The following PEBP4 variants were observed in gnomAD, a reference collection of about 807,000 sequenced individuals.
The protein encoded by PEBP4 is phosphatidylethanolamine binding protein 4, also known as phosphatidylethanolamine-binding protein 4.
PEBP4 carries 22 observed loss-of-function variants against 23.9 expected under a neutral mutation model. The ratio of observed to expected loss-of-function variants is 0.92; its 90% CI spans 0.66 to 1.31. The LOEUF (loss-of-function observed/expected upper bound fraction) is 1.31. Ranked by LOEUF, PEBP4 falls within the 40% of genes most tolerant of loss-of-function variation. The pLI is 0.00. For missense variants in PEBP4, 324 were observed against 281.7 expected (o/e 1.15, Z -1.07); for synonymous variants, 112 against 99.3 (o/e 1.13, Z -0.76).
intron 3 of PEBP4, among the ~76,000 whole-genome samples, chr8:22,910,620 C>A (rs895486310): frequency 3.3e-5 from 5 of 152,242 alleles, no homozygotes; most frequent in African/African-American, 1.2e-4. Flanking sequence ...CAACGATGGA[C>A]AGGGTTACAG....
chr8:22,722,813 C>T (rs987374797), intron 6 of PEBP4, among the ~76,000 whole-genome samples: 3 of 151,582 alleles, frequency 2.0e-5, no homozygotes, highest in African/African-American at 7.3e-5. Flanking sequence ...TCTCTCTGTC[C>T]CCAGGCTGGA....
At chr8:22,744,576 T>G (rs1260371826) in intron 4 of PEBP4, 2 of 152,286 alleles carry the variant, frequency 1.3e-5, no homozygotes, top group Non-Finnish European at 2.9e-5. Context: ...CCCCTTTTCA[T>G]GTCCTCTCTT....
chr8:22,930,065 C>T (rs909136270), upstream of PEBP4, among the ~76,000 whole-genome samples: 1 of 152,216 alleles, frequency 6.6e-6, no homozygotes, highest in East Asian at 1.9e-4. Context: ...TTGCCTCTCA[C>T]TCACTCCCTC....
intron 4 of PEBP4, among the ~76,000 whole-genome samples, chr8:22,774,237 C>G (rs1383960869): frequency 6.6e-6 from 1 of 152,204 alleles, no homozygotes; most frequent in Non-Finnish European, 1.5e-5. Flanking sequence ...TCTTCTTTGT[C>G]TCTTTCTCTA....
intron 6 of PEBP4, among the ~76,000 whole-genome samples, chr8:22,719,595 G>A (rs895452697): frequency 2.0e-5 from 3 of 152,220 alleles, no homozygotes; most frequent in Admixed American, 6.5e-5. Context: ...TCAGGAGAGC[G>A]GGGATGTAGG....
chr8:22,858,688 T>C (rs1428526294), intron 3 of PEBP4, among the ~76,000 whole-genome samples: 1 of 152,244 alleles, frequency 6.6e-6, no homozygotes, highest in Non-Finnish European at 1.5e-5. Flanking sequence ...GGTTCATGCC[T>C]GTAATCCCAG....
chr8:22,818,902 A>T (rs1441572333), intron 3 of PEBP4, among the ~76,000 whole-genome samples: 1 of 152,166 alleles, frequency 6.6e-6, no homozygotes, highest in African/African-American at 2.4e-5. Flanking sequence ...AGAGAAATTG[A>T]GGATGAATCC....
chr8:22,828,039 T>A (rs1251326957), intron 3 of PEBP4, among the ~76,000 whole-genome samples: 1 of 152,248 alleles, frequency 6.6e-6, no homozygotes, highest in Non-Finnish European at 1.5e-5. Flanking sequence ...TCTATGTCAA[T>A]TTCTTGCCCA....
chr8:22,820,246 AAG>A (rs1806830923), intron 3 of PEBP4, among the ~76,000 whole-genome samples: 1 of 152,356 alleles, frequency 6.6e-6, no homozygotes, highest in South Asian at 2.1e-4. Flanking sequence ...ATAGTCATTT[AAG>A]AGAGTGAGAA....
intron 3 of PEBP4, among the ~76,000 whole-genome samples, chr8:22,821,714 G>A (rs138624005): frequency 2.1e-3 from 321 of 152,194 alleles, no homozygotes; most frequent in Non-Finnish European, 4.0e-3. Context: ...GGCCGGGTGC[G>A]GTGGCTCATG....
chr8:22,771,358 G>A lies in PEBP4; in HGVS notation c.358-44138C>T, dbSNP rs185619926. Among the ~76,000 whole-genome samples the A allele has an allele frequency of 8.9e-4, 136 of 152,254 alleles. 1 individual carries two copies. The highest frequency in any genetic ancestry group is 3.0e-3 in the African/African-American group (126 of 41,542). On this transcript the variant is annotated intron_variant, in intron 4 of 6. Coordinates refer to ENST00000256404, the MANE Select transcript of PEBP4 (RefSeq NM_144962.3). The stretch of plus-strand genomic sequence containing the variant: ...ACAAAAATTAGTCCGACATGGTGGC[G>A]CATGCCTGTAGTCGCAGCTACTTGG...
chr8:22,846,574 G>A (rs985361416), intron 3 of PEBP4, among the ~76,000 whole-genome samples: 3 of 152,144 alleles, frequency 2.0e-5, no homozygotes, highest in Non-Finnish European at 4.4e-5. Context: ...CCTTCTCTTG[G>A]AGAGGAGAAG....
chr8:22,819,469 C>T (rs187780275), intron 3 of PEBP4, among the ~76,000 whole-genome samples: 391 of 151,616 alleles, frequency 2.6e-3, no homozygotes, highest in Non-Finnish European at 4.7e-3. Flanking sequence ...AGATGGGAGA[C>T]GAGGAATTGG....
intron 3 of PEBP4, among the ~76,000 whole-genome samples, chr8:22,835,508 C>T (rs967581008): frequency 1.3e-5 from 2 of 152,316 alleles, no homozygotes; most frequent in South Asian, 2.1e-4. Context: ...TCACAGGCAG[C>T]CCTCTGGTCC....
At chr8:22,872,929 G>A (rs548531238) in intron 3 of PEBP4, among the ~76,000 whole-genome samples, 3 of 152,086 alleles carry the variant, frequency 2.0e-5, no homozygotes, top group East Asian at 1.9e-4. Flanking sequence ...CGCCCGCCTC[G>A]GCCTCCCAAA....
At chr8:22,795,769 T>C (rs1236804148) in intron 4 of PEBP4, among the ~76,000 whole-genome samples, 1 of 152,270 alleles carries the variant, frequency 6.6e-6, no homozygotes, top group African/African-American at 2.4e-5. Flanking sequence ...GATTTTTTTT[T>C]CCATTTAAAT....
chr8:22,890,066 C>T (rs1016391422), intron 3 of PEBP4, among the ~76,000 whole-genome samples: 5 of 152,284 alleles, frequency 3.3e-5, no homozygotes, highest in African/African-American at 4.8e-5. Flanking sequence ...AGAACATGAG[C>T]CAGTACTTGC....
chr8:22,877,642 C>A (rs990609725), intron 3 of PEBP4, among the ~76,000 whole-genome samples: 1 of 53,322 alleles, frequency 1.9e-5, no homozygotes. Flanking sequence ...CCACCCTCAC[C>A]CCAGGGGCCC....
chr8:22,728,773 T>G (rs1040404274), intron 4 of PEBP4, among the ~76,000 whole-genome samples: 1 of 152,156 alleles, frequency 6.6e-6, no homozygotes, highest in East Asian at 1.9e-4. Flanking sequence ...AATTTTTGTA[T>G]TTTTAGCAGA....
Sources: allele counts gnomAD v4.1 joint callset (sites outside exome capture counted in the v4.1 genomes callset), GRCh38; gene constraint gnomAD v4.1.1; transcripts MANE v1.5; gene names NCBI Gene and HGNC (gene_info 2026-07-23, HGNC 2026-07-21).